The following ELP1 variants were observed in gnomAD, a reference collection of about 807,000 sequenced individuals.
ELP1 encodes elongator acetyltransferase complex subunit 1, also known as elongator complex protein 1.
A neutral mutation model predicts 183.2 loss-of-function variants in ELP1; 131 were observed. The ratio of observed to expected loss-of-function variants is 0.72; its 90% CI spans 0.62 to 0.83. ELP1 has a LOEUF of 0.83. Ranked by LOEUF, ELP1 falls within the 40% of genes least tolerant of loss-of-function variation. The probability of loss-of-function intolerance (pLI) is 0.00; values close to 1 mark genes in which losing one functional copy is unlikely to be tolerated. For missense variants in ELP1, 1,550 were observed against 1,594.9 expected (o/e 0.97, Z 0.48); for synonymous variants, 555 against 569.0 (o/e 0.98, Z 0.35).
intron 29 of ELP1, among the ~76,000 whole-genome samples, chr9:108,882,483 T>G (rs1369629314): frequency 6.6e-6 from 1 of 152,180 alleles, no homozygotes; most frequent in Non-Finnish European, 1.5e-5. Flanking sequence ...CTCCCCAGCT[T>G]TACTACCAAG....
At chr9:108,873,141 A>T (rs1240521398) in intron 36 of ELP1, among the ~76,000 whole-genome samples, 1 of 152,220 alleles carries the variant, frequency 6.6e-6, no homozygotes, top group African/African-American at 2.4e-5. Context: ...TTTGTCATCA[A>T]TTGCAACAAG....
intron 36 of ELP1, among the ~76,000 whole-genome samples, chr9:108,874,333 T>G (rs905425921): frequency 6.6e-6 from 1 of 152,232 alleles, no homozygotes; most frequent in Non-Finnish European, 1.5e-5. Flanking sequence ...TTTTTAATTT[T>G]TAGGGATATA....
chr9:108,881,193 C>G (rs1827916858), intron 31 of ELP1, among the ~76,000 whole-genome samples: 1 of 152,090 alleles, frequency 6.6e-6, no homozygotes, highest in Non-Finnish European at 1.5e-5. Context: ...ACACATATAC[C>G]CTTTACTTTG....
chr9:108,919,270 ACACT>A lies in ELP1; in HGVS notation c.628_631del (p.Ser210LeufsTer42). 4 of 1,613,332 alleles carry A rather than the reference ACACT, an allele frequency of 2.5e-6. No homozygotes were observed. Among genetic ancestry groups the A allele is most frequent in the Non-Finnish European group, 3.4e-6 (4 of 1,179,356 alleles). On this transcript the variant is annotated frameshift_variant, in exon 7 of 37. Coordinates refer to ENST00000374647, the MANE Select transcript of ELP1 (RefSeq NM_003640.5). LOFTEE classifies it high-confidence loss of function. ...TTCCATACCTGTTTCTGGGCAAACA[ACACT>A]CACAGCAAAAAACTGTCCATCCCCC...
chr9:108,882,974 CA>C (rs1827989041), intron 29 of ELP1, among the ~76,000 whole-genome samples: 1 of 152,176 alleles, frequency 6.6e-6, no homozygotes, highest in South Asian at 2.1e-4. Flanking sequence ...ATAGGATTTG[CA>C]AATATCTTCT....
chr9:108,878,758 A>C lies in ELP1; in HGVS notation c.3573-8T>G, dbSNP rs752691418. The stretch of plus-strand genomic sequence containing the variant: ...CGATTCTTGGATGATCTCCTGTTAG[A>C]AATTACACAGATATTTTTAAGCCTC... On this transcript the variant is annotated splice_region_variant and splice_polypyrimidine_tract_variant and intron_variant, in intron 33 of 36. Coordinates refer to ENST00000374647, the MANE Select transcript of ELP1 (RefSeq NM_003640.5). The C allele has an allele frequency of 6.2e-7, 1 of 1,613,708 alleles. No individual in the cohort carries two copies. Among genetic ancestry groups the C allele is most frequent in the South Asian group, 1.1e-5 (1 of 91,066 alleles).
intron 25 of ELP1, 91 bp from the exon 26 acceptor site, chr9:108,894,157 C>T: frequency 1.3e-6 from 1 of 742,740 alleles, no homozygotes; most frequent in African/African-American, 1.8e-5. Context: ...AAACCCAAAG[C>T]TACATAATTT....
At chr9:108,933,565 T>C (rs1041329625) in intron 1 of ELP1, among the ~76,000 whole-genome samples, 1 of 152,254 alleles carries the variant, frequency 6.6e-6, no homozygotes, top group Non-Finnish European at 1.5e-5. Flanking sequence ...CCGCCTTCCA[T>C]CGTGAATTAA....
chr9:108,873,610 T>C (rs1275577217), intron 36 of ELP1, among the ~76,000 whole-genome samples: 2 of 152,086 alleles, frequency 1.3e-5, no homozygotes. Context: ...AACCTGAAGG[T>C]CAGCATCAGG....
intron 14 of ELP1, among the ~76,000 whole-genome samples, chr9:108,905,375 G>T (rs1233930502): frequency 6.6e-6 from 1 of 152,150 alleles, no homozygotes; most frequent in Non-Finnish European, 1.5e-5. Context: ...GCTAGAAAAT[G>T]CTATCAACTA....
chr9:108,890,684 C>G (rs1476945251), intron 28 of ELP1, among the ~76,000 whole-genome samples: 1 of 152,170 alleles, frequency 6.6e-6, no homozygotes, highest in Non-Finnish European at 1.5e-5. Context: ...TTATTTTCCC[C>G]ACCTCATTCC....
chr9:108,878,550 GA>G, intron 34 of ELP1, 72 bp downstream of exon 34: 2 of 1,593,234 alleles, frequency 1.3e-6, no homozygotes, highest in Non-Finnish European at 1.7e-6. Context: ...ATCACCTACT[GA>G]ACTCTGCCTG....
At chr9:108,889,286 C>T in intron 29 of ELP1, 46 bp downstream of exon 29, 1 of 1,508,504 alleles carries the variant, frequency 6.6e-7, no homozygotes, top group African/African-American at 1.4e-5. Context: ...ATTGAGAAGA[C>T]CTTTCTTGCT....
At chr9:108,906,665 A>G (rs1284094946) in intron 13 of ELP1, among the ~76,000 whole-genome samples, 180 bp from the exon 14 acceptor site, 1 of 152,246 alleles carries the variant, frequency 6.6e-6, no homozygotes, top group Non-Finnish European at 1.5e-5. Flanking sequence ...GTCTGGCTTA[A>G]GAATACGTTT....
At chr9:108,881,960 G>A (rs781491102) in intron 30 of ELP1, among the ~76,000 whole-genome samples, 165 bp downstream of exon 30, 1 of 152,172 alleles carries the variant, frequency 6.6e-6, no homozygotes, top group Non-Finnish European at 1.5e-5. Flanking sequence ...TATCAAGAAT[G>A]ATAAAAATGA....
chr9:108,876,153 G>A lies in ELP1; in HGVS notation c.3856-1183C>T, dbSNP rs1225429162. On this transcript the variant is annotated intron_variant, in intron 35 of 36. Transcript: ENST00000374647. The stretch of plus-strand genomic sequence containing the variant: ...TAACCAGGTGTTGTGGCATGCGCCT[G>A]TAGTCCCAGCTACTCAAGAGGCTGA... Among the ~76,000 whole-genome samples the A allele has an allele frequency of 2.0e-5, 3 of 152,032 alleles. No homozygotes were observed. The East Asian group carries it at 5.8e-4, about 29-fold the overall frequency.
chr9:108,893,724 T>C (rs1186070341), intron 26 of ELP1, among the ~76,000 whole-genome samples: 1 of 152,234 alleles, frequency 6.6e-6, no homozygotes, highest in Non-Finnish European at 1.5e-5. Context: ...AAGGATCTAC[T>C]TGACGTTCTT....
intron 10 of ELP1, among the ~76,000 whole-genome samples, chr9:108,915,077 C>T (rs1168434827): frequency 6.6e-6 from 1 of 152,132 alleles, no homozygotes; most frequent in African/African-American, 2.4e-5. Flanking sequence ...CTAACATTTT[C>T]AAGTATTATT....
intron 25 of ELP1, 84 bp from the exon 26 acceptor site, chr9:108,894,150 C>A (rs1217993401): frequency 3.9e-6 from 3 of 769,260 alleles, no homozygotes; most frequent in South Asian, 3.6e-5. Context: ...TAGCAATAAA[C>A]CCAAAGCTAC....
Sources: gnomAD v4.1 joint callset for allele counts (sites outside exome capture counted in the v4.1 genomes callset) on GRCh38, gnomAD v4.1.1 for gene constraint, MANE v1.5 for transcripts, NCBI Gene and HGNC (gene_info 2026-07-23, HGNC 2026-07-21) for gene names.